Variants in CNTLN observed in about 807,000 individuals in gnomAD.
The protein encoded by CNTLN is centlein, centrosomal protein.
Under a neutral mutation model 180.0 loss-of-function variants are expected in CNTLN, and 212 were observed. That is an observed-to-expected ratio of 1.18 (90% confidence interval 1.05 to 1.32). The LOEUF is 1.32. Ranked by LOEUF, CNTLN falls within the 40% of genes most tolerant of loss-of-function variation. The pLI, the probability that CNTLN is intolerant of heterozygous loss-of-function variation, is 0.00. For missense variants in CNTLN, 2,095 were observed against 1,610.9 expected (o/e 1.30, Z -5.14); for synonymous variants, 722 against 563.1 (o/e 1.28, Z -3.99).
chr9:17,355,403 A>G (rs1160839244), intron 12 of CNTLN, among the ~76,000 whole-genome samples: 3 of 152,090 alleles, frequency 2.0e-5, no homozygotes, highest in Non-Finnish European at 4.4e-5. Context: ...CCCCTTTTTG[A>G]TAGTATCCTT....
chr9:17,236,608 T>G lies in CNTLN; in HGVS notation c.849+20T>G. 6 of 1,550,450 alleles carry G rather than the reference T, an allele frequency of 3.9e-6. No individual in the cohort carries two copies. The highest frequency in any genetic ancestry group is 4.4e-6 in the Non-Finnish European group (5 of 1,145,378). ...ATAAAGGTATACAATAGGAATGGAA[T>G]CCATACTCCTCTTTTGGATCTAACT... On this transcript the variant is annotated intron_variant, in intron 5 of 25. Transcript: ENST00000380647.
chr9:17,448,721 G>A (rs964858333), intron 18 of CNTLN, among the ~76,000 whole-genome samples: 72 of 152,218 alleles, frequency 4.7e-4, no homozygotes, highest in African/African-American at 1.6e-3. Flanking sequence ...GGTTCTTTGA[G>A]TGGACATTCA....
At chr9:17,215,226 G>C (rs1413871067) in intron 2 of CNTLN, among the ~76,000 whole-genome samples, 1 of 152,178 alleles carries the variant, frequency 6.6e-6, no homozygotes, top group Non-Finnish European at 1.5e-5. Context: ...TACAGATGGG[G>C]TTTTGGTGTG....
At chr9:17,313,944 G>A (rs780942139) in intron 8 of CNTLN, among the ~76,000 whole-genome samples, 11 of 152,206 alleles carry the variant, frequency 7.2e-5, no homozygotes, top group African/African-American at 1.2e-4. Flanking sequence ...GCACATGCCC[G>A]GCTGGTCTCA....
downstream of CNTLN, among the ~76,000 whole-genome samples, chr9:17,506,552 A>G (rs1362023157): frequency 6.6e-6 from 1 of 152,084 alleles, no homozygotes; most frequent in African/African-American, 2.4e-5. Flanking sequence ...TCATTCTTCA[A>G]CGCTAGCCCT....
chr9:17,519,795 A>C, the CNTLN span, among the ~76,000 whole-genome samples: 1 of 152,238 alleles, frequency 6.6e-6, no homozygotes, highest in Non-Finnish European at 1.5e-5. Flanking sequence ...AAGGTCAAAC[A>C]GTTACAAGAA....
intron 18 of CNTLN, among the ~76,000 whole-genome samples, chr9:17,432,040 A>C (rs1158032872): frequency 6.6e-6 from 1 of 152,172 alleles, no homozygotes; most frequent in African/African-American, 2.4e-5. Flanking sequence ...ATTAGTTTTA[A>C]GGTAAAGTTA....
intron 2 of CNTLN, among the ~76,000 whole-genome samples, chr9:17,174,523 C>T (rs904793353): frequency 6.6e-6 from 1 of 151,938 alleles, no homozygotes; most frequent in Non-Finnish European, 1.5e-5. Flanking sequence ...TGGTGAAACC[C>T]CATCTCTACC....
chr9:17,383,419 C>G (rs902747354), intron 13 of CNTLN, among the ~76,000 whole-genome samples: 7 of 151,612 alleles, frequency 4.6e-5, no homozygotes, highest in Non-Finnish European at 7.4e-5. Context: ...GTCGCTGAGG[C>G]TGGAGGATCA....
intron 3 of CNTLN, among the ~76,000 whole-genome samples, chr9:17,229,667 A>G (rs1266049075): frequency 6.6e-6 from 1 of 152,148 alleles, no homozygotes; most frequent in African/African-American, 2.4e-5. Flanking sequence ...CTCAAAGTCC[A>G]TTAATTTAAA....
intron 18 of CNTLN, chr9:17,447,130 C>A: frequency 4.6e-6 from 1 of 216,212 alleles, no homozygotes; most frequent in South Asian, 8.4e-5. Context: ...AGAGCTTCTC[C>A]CGCTGCGGTG....
chr9:17,457,607 T>A lies in CNTLN; in HGVS notation c.3198T>A (p.Ser1066Arg). ...TGGAGTCCTCATCTGAAATCACAAG[T>A]TTGGCAGAAGAAAATTCCCAGGTAA... ...KKLESSSEIT[S>R]LAEENSQVTF... Residue 1066 changes from serine (S) to arginine (R), a missense_variant, in exon 19 of 26, where the codon AGT becomes AGA. Physicochemically the swap from Ser to Arg is moderately radical, Grantham distance 110. Coordinates refer to ENST00000380647, the MANE Select transcript of CNTLN (RefSeq NM_017738.4). The A allele has an allele frequency of 1.9e-6, 3 of 1,568,198 alleles. No individual in the cohort carries two copies. Among genetic ancestry groups the A allele is most frequent in the Non-Finnish European group, 2.6e-6 (3 of 1,155,226 alleles).
chr9:17,331,912 C>A (rs1820669215), intron 9 of CNTLN, among the ~76,000 whole-genome samples: 1 of 151,846 alleles, frequency 6.6e-6, no homozygotes, highest in Non-Finnish European at 1.5e-5. Context: ...CTTTTTTCTG[C>A]CTTTAATAAA....
At chr9:17,260,610 C>G (rs1826891018) in intron 5 of CNTLN, among the ~76,000 whole-genome samples, 1 of 151,098 alleles carries the variant, frequency 6.6e-6, no homozygotes. Flanking sequence ...AAATTTTCTC[C>G]CATTCTGTAT....
intron 2 of CNTLN, among the ~76,000 whole-genome samples, chr9:17,156,905 A>C (rs1475076576): frequency 1.3e-5 from 2 of 152,264 alleles, no homozygotes; most frequent in Non-Finnish European, 2.9e-5. Context: ...GAAGCAATGT[A>C]ATTGTGTAAA....
chr9:17,225,140 T>C (rs980127221), intron 2 of CNTLN, among the ~76,000 whole-genome samples: 8 of 152,000 alleles, frequency 5.3e-5, no homozygotes, highest in African/African-American at 1.9e-4. Flanking sequence ...GAGCTACATC[T>C]ATAAACTTTT....
the CNTLN span, among the ~76,000 whole-genome samples, chr9:17,527,455 TC>T: frequency 2.0e-4 from 30 of 152,340 alleles, no homozygotes; most frequent in Non-Finnish European, 2.8e-4. Context: ...TAAAGTTGTT[TC>T]CCATGGAGTA....
chr9:17,193,650 C>T (rs1821933898), intron 2 of CNTLN, among the ~76,000 whole-genome samples: 1 of 152,226 alleles, frequency 6.6e-6, no homozygotes, highest in Non-Finnish European at 1.5e-5. Context: ...GGGCTGGCAT[C>T]GAGTGTCAGC....
intron 14 of CNTLN, among the ~76,000 whole-genome samples, 180 bp from the exon 15 acceptor site, chr9:17,394,354 C>T (rs1564065686): frequency 6.6e-6 from 1 of 152,116 alleles, no homozygotes; most frequent in African/African-American, 2.4e-5. Context: ...TCAACAGATA[C>T]ATTATTGCAT....
Sources: gnomAD v4.1 joint callset for allele counts (sites outside exome capture counted in the v4.1 genomes callset) on GRCh38, gnomAD v4.1.1 for gene constraint, MANE v1.5 for transcripts, NCBI Gene and HGNC (gene_info 2026-07-23, HGNC 2026-07-21) for gene names.